Variants in SLC22A16 observed in about 807,000 individuals in gnomAD.
SLC22A16 encodes the protein WUGSC:RG331P03.1.
In SLC22A16, 53 loss-of-function variants were observed where a neutral mutation model predicts 52.9. The ratio of observed to expected loss-of-function variants is 1.00; its 90% CI spans 0.80 to 1.26. The LOEUF (loss-of-function observed/expected upper bound fraction) is 1.26. SLC22A16 is among the 50% of genes most tolerant of loss of function. The probability of loss-of-function intolerance (pLI) is 0.00; values close to 1 mark genes in which losing one functional copy is unlikely to be tolerated. For synonymous variants in SLC22A16, 291 were observed against 268.8 expected (o/e 1.08, Z -0.81); for missense variants, 726 against 704.0 (o/e 1.03, Z -0.35).
At chr6:110,441,542 G>A (rs948888675) in intron 4 of SLC22A16, among the ~76,000 whole-genome samples, 1 of 152,228 alleles carries the variant, frequency 6.6e-6, no homozygotes, top group Non-Finnish European at 1.5e-5. Flanking sequence ...CAAAGGTCAT[G>A]GCAACGTTTG....
intron 2 of SLC22A16, among the ~76,000 whole-genome samples, chr6:110,451,572 G>A (rs75407366): frequency 0.041 from 6,284 of 152,220 alleles, 203 homozygotes; most frequent in East Asian, 0.15. Context: ...TCTTTTCTAT[G>A]AAGTGACTTC....
At chr6:110,466,487 A>G (rs1298506137) in intron 1 of SLC22A16, among the ~76,000 whole-genome samples, 2 of 152,208 alleles carry the variant, frequency 1.3e-5, no homozygotes. Flanking sequence ...GACATTTTCC[A>G]AAAGAAGACA....
chr6:110,437,999 T>A (rs190023932), intron 5 of SLC22A16, among the ~76,000 whole-genome samples: 6 of 152,322 alleles, frequency 3.9e-5, no homozygotes, highest in African/African-American at 1.4e-4. Flanking sequence ...ATCCTTCAGA[T>A]GTCTCCATGG....
At position 110,438,043 on chromosome 6, in the gene SLC22A16, C is replaced by T. The variant is rs142166804; in HGVS notation, c.1311+677G>A. On this transcript the variant is annotated intron_variant, in intron 5 of 7. Transcript: ENST00000368919. Reference sequence around the variant, plus strand: ...CTCATTCAGGTTTCTGATTACATGTCGCCTCCTCCGAGAGGTGCACCATCC... The same window carrying T: ...CTCATTCAGGTTTCTGATTACATGTTGCCTCCTCCGAGAGGTGCACCATCC... Among the ~76,000 whole-genome samples, 700 of 152,186 alleles carry T rather than the reference C, an allele frequency of 4.6e-3. 6 individuals carry two copies. The highest frequency in any genetic ancestry group is 0.016 in the African/African-American group (662 of 41,522).
chr6:110,443,452 T>A (rs1775052422), intron 3 of SLC22A16, among the ~76,000 whole-genome samples: 1 of 152,138 alleles, frequency 6.6e-6, no homozygotes, highest in Admixed American at 6.6e-5. Context: ...TACAAATTTT[T>A]ACCAATCATT....
rs1402967658 is a variant in SLC22A16 at position 110,431,278 on chromosome 6, CAG to C, written c.1422-10_1422-9del. 3 of 1,610,460 alleles carry C rather than the reference CAG, an allele frequency of 1.9e-6. No homozygotes were observed. Among genetic ancestry groups the C allele is most frequent in the Middle Eastern group, 1.7e-4 (1 of 6,058 alleles). Reference sequence around the variant, plus strand: ...CTTCCCACAGCCAGCGATCTGGAAACAGAGGAGAGAGGCTGAGACAAGTAAGG... The same window carrying C: ...CTTCCCACAGCCAGCGATCTGGAAACAGGAGAGAGGCTGAGACAAGTAAGG... On this transcript the variant is annotated splice_polypyrimidine_tract_variant and intron_variant, in intron 6 of 7. Transcript: ENST00000368919.
intron 5 of SLC22A16, 78 bp downstream of exon 5, chr6:110,438,642 C>G: frequency 6.7e-7 from 1 of 1,484,140 alleles, no homozygotes. Context: ...GACCTTCATA[C>G]TTAACTGTAA....
intron 7 of SLC22A16, among the ~76,000 whole-genome samples, chr6:110,428,869 G>A (rs1332978787): frequency 6.6e-6 from 1 of 152,152 alleles, no homozygotes; most frequent in African/African-American, 2.4e-5. Flanking sequence ...GCAGTGAGCT[G>A]GGATCAGACC....
Position 110,431,245 on chromosome 6 carries a change from T to A in SLC22A16, c.1447A>T (p.Met483Leu). The change falls in exon 7 of 8, where the codon ATG (methionine) becomes TTG (leucine). Residue 483 changes from methionine (M) to leucine (L), a missense_variant. Transcript: ENST00000368919. ...AGGATGCTGGCCAGGCGACACACCA[T>A]GCTGCCGCTTCCCACAGCCAGCGAT... is the stretch of plus-strand genomic sequence containing the variant. Reference protein sequence around the residue: ...VRSLAVGSGSMVCRLASILAP... With the variant: ...VRSLAVGSGSLVCRLASILAP... 6.2e-7 allele frequency: 1 copy of A among 1,612,894 alleles called. No individual in the cohort carries two copies. The highest frequency in any genetic ancestry group is 1.1e-5 in the South Asian group (1 of 91,052).
intron 1 of SLC22A16, among the ~76,000 whole-genome samples, chr6:110,458,888 A>G (rs796906279): frequency 5.9e-5 from 9 of 152,316 alleles, no homozygotes; most frequent in Non-Finnish European, 8.8e-5. Flanking sequence ...GGACTGAATT[A>G]CACCACTAGC....
chr6:110,435,766 G>A, intron 6 of SLC22A16, 86 bp downstream of exon 6: 1 of 926,178 alleles, frequency 1.1e-6, no homozygotes. Flanking sequence ...TAAAAAAGAA[G>A]CATTTACATG....
rs747015207 is a variant in SLC22A16, at chr6:110,438,887, C to T, written c.1184-40G>A. The T allele has an allele frequency of 8.1e-6, 13 of 1,608,244 alleles. No homozygotes were observed. The Middle Eastern group carries it at 5.0e-4, about 62-fold the overall frequency. On this transcript the variant is annotated intron_variant, in intron 4 of 7. Coordinates refer to ENST00000368919, the MANE Select transcript of SLC22A16 (RefSeq NM_033125.4). ...GCAGCCCTCTATAAGTCTAGGTACC[C>T]GACTGCAAAAGGGGACCCCCGTCTT...
At chr6:110,425,358 A>C in intron 7 of SLC22A16, 1 of 1,380,706 alleles carries the variant, frequency 7.2e-7, no homozygotes, top group Non-Finnish European at 9.6e-7. Flanking sequence ...CTGCATTATT[A>C]CTCCTGAAGG....
chr6:110,460,149 T>C (rs1775814147), intron 1 of SLC22A16, among the ~76,000 whole-genome samples: 1 of 152,142 alleles, frequency 6.6e-6, no homozygotes, highest in Non-Finnish European at 1.5e-5. Flanking sequence ...CCTTCTTCCT[T>C]TGCAGACCTG....
At chr6:110,467,742 TAC>T (rs1776120011) in intron 1 of SLC22A16, among the ~76,000 whole-genome samples, 1 of 152,248 alleles carries the variant, frequency 6.6e-6, no homozygotes, top group Admixed American at 6.5e-5. Flanking sequence ...TGAACATGTA[TAC>T]ACACACATAT....
At chr6:110,450,909 G>A (rs1345030641) in intron 2 of SLC22A16, among the ~76,000 whole-genome samples, 1 of 152,116 alleles carries the variant, frequency 6.6e-6, no homozygotes, top group Non-Finnish European at 1.5e-5. Flanking sequence ...CTTTCTAGGA[G>A]GAAACATTTT....
chr6:110,425,041 T>C lies in SLC22A16; in HGVS notation c.1566A>G (p.Leu522=). The change falls in exon 8 of 8, where the codon CTA becomes CTG. Residue 522 remains leucine, a synonymous_variant. Transcript: ENST00000368919. ...TMALLSGVLT[L]KLPETLGKRL... ...GTTTCCCAAGGGTTTCTGGAAGCTT[T>C]AGTGTTAACACTCCACTCAGGAGGG... 6.8e-6 allele frequency: 11 copies of C among 1,614,190 alleles called. No homozygotes were observed. Among genetic ancestry groups the C allele is most frequent in the Non-Finnish European group, 9.3e-6 (11 of 1,180,034 alleles).
chr6:110,456,653 C>G lies in SLC22A16; in HGVS notation c.418G>C (p.Ala140Pro). 3.1e-6 allele frequency: 5 copies of G among 1,614,184 alleles called. No homozygotes were observed. Among genetic ancestry groups the G allele is most frequent in the Non-Finnish European group, 4.2e-6 (5 of 1,180,034 alleles). ...IYDQNTWKST[A>P]VTQWNLVCDR... ...CAGACCAGGTTCCACTGGGTCACCG[C>G]AGTGCTTTTCCATGTGTTCTGGTCA... is the stretch of plus-strand genomic sequence containing the variant. The change falls in exon 2 of 8, where the codon GCG becomes CCG. Residue 140 changes from alanine to proline, a missense_variant. Coordinates refer to ENST00000368919, the MANE Select transcript of SLC22A16 (RefSeq NM_033125.4).
chr6:110,443,189 A>G (rs1775044020), intron 3 of SLC22A16, among the ~76,000 whole-genome samples: 2 of 152,326 alleles, frequency 1.3e-5, no homozygotes, highest in South Asian at 4.1e-4. Context: ...GGTAAGAAAA[A>G]CTGATTTAAT....
Sources: gnomAD v4.1 joint callset for allele counts (sites outside exome capture counted in the v4.1 genomes callset) on GRCh38, gnomAD v4.1.1 for gene constraint, MANE v1.5 for transcripts, NCBI Gene and HGNC (gene_info 2026-07-23, HGNC 2026-07-21) for gene names.